BCL9: variants seen among roughly 807,000 people sequenced by gnomAD.
BCL9 encodes B-cell CLL/lymphoma 9 protein.
In BCL9, 25 loss-of-function variants were observed where a neutral mutation model predicts 88.5. That is an observed-to-expected ratio of 0.28 (90% CI 0.21 to 0.39). The LOEUF (loss-of-function observed/expected upper bound fraction) is 0.39. BCL9 is among the 10% of genes least tolerant of loss of function. The pLI is 1.00. For missense variants in BCL9, 1,817 were observed against 1,877.8 expected, an observed-to-expected ratio of 0.97 and a Z score of 0.60; for synonymous variants, 711 against 673.3, an observed-to-expected ratio of 1.06 and a Z score of -0.87.
At position 147,618,960 on chromosome 1, in the gene BCL9, G is replaced by A. The variant is rs587637107; in HGVS notation, c.805G>A (p.Ala269Thr). The change falls in exon 8 of 10, where the codon GCA becomes ACA. Residue 269 changes from alanine (A) to threonine (T), a missense_variant. This residue lies in a region of BCL9 where 1,228 missense variants were observed against 1,191.6 expected (regional missense o/e 1.03). Coordinates refer to ENST00000234739, the MANE Select transcript of BCL9 (RefSeq NM_004326.4). ...TCCGGCACCAGCACCCAAGCCTGCC[G>A]CACCCCCACGTCCCCTGGACCGGGA... ...PIPAPAPKPA[A>T]PPRPLDRESP... is the part of the protein sequence containing the mutation. 10 of 1,613,656 alleles carry A rather than the reference G, an allele frequency of 6.2e-6. No individual in the cohort carries two copies. The highest frequency in any genetic ancestry group is 1.7e-5 in the Admixed American group (1 of 59,974).
chr1:147,622,651 T>C (rs1658705070), intron 9 of BCL9, 120 bp downstream of exon 9: 1 of 1,285,210 alleles, frequency 7.8e-7, no homozygotes, highest in East Asian at 2.4e-5. Context: ...GAAAAAATCT[T>C]CCATCTAAGG....
At chr1:147,605,873 G>A (rs755957148) in intron 2 of BCL9, among the ~76,000 whole-genome samples, 9 of 152,268 alleles carry the variant, frequency 5.9e-5, no homozygotes, top group Middle Eastern at 3.4e-3. Context: ...ACATGACATC[G>A]TTCTAATAAA....
intron 1 of BCL9, among the ~76,000 whole-genome samples, chr1:147,546,207 G>A (rs1371646750): frequency 2.0e-5 from 3 of 151,916 alleles, no homozygotes; most frequent in Non-Finnish European, 4.4e-5. Flanking sequence ...GCTTGGTGGC[G>A]GGCGCCTGTA....
In BCL9 at chr1:147,619,603, A is replaced by G. The variant is rs1658496784; in HGVS notation, c.1448A>G (p.Lys483Arg). The change falls in exon 8 of 10, where the codon AAG becomes AGG. Residue 483 changes from lysine (K) to arginine (R), a missense_variant. By Grantham distance (26) the Lys-to-Arg change is conservative (BLOSUM62 2). Coordinates refer to ENST00000234739, the MANE Select transcript of BCL9 (RefSeq NM_004326.4). The surrounding 1 kb of genome is among the most constrained non-coding windows in gnomAD (Gnocchi z 4.1). ...LKLQQEFYEE[K>R]RRKQEQVVVQ... is the part of the protein sequence containing the mutation. ...CTGCAGCAGGAGTTTTATGAAGAGA[A>G]GAGGAGGAAGCAGGAACAAGTGGTT... 5 of 1,614,042 alleles carry G rather than the reference A, an allele frequency of 3.1e-6. No homozygotes were observed. The highest frequency in any genetic ancestry group is 4.2e-6 in the Non-Finnish European group (5 of 1,180,006).
intron 1 of BCL9, among the ~76,000 whole-genome samples, chr1:147,570,924 T>C (rs1655858554): frequency 1.3e-5 from 2 of 152,070 alleles, no homozygotes; most frequent in South Asian, 2.1e-4. Context: ...TGTGAGCCAC[T>C]GTGCCCAGCC....
Position 147,622,332 on chromosome 1 carries a change from C to G in BCL9, c.2964C>G (p.Pro988=), listed in dbSNP as rs1553205545. The G allele has an allele frequency of 3.7e-6, 6 of 1,614,198 alleles. No individual in the cohort carries two copies. Among genetic ancestry groups the G allele is most frequent in the Non-Finnish European group, 5.1e-6 (6 of 1,180,040 alleles). Residue 988 remains proline, a synonymous_variant, in exon 9 of 10, where the codon CCC becomes CCG. Coordinates refer to ENST00000234739, the MANE Select transcript of BCL9 (RefSeq NM_004326.4). The part of the protein sequence containing the change: ...PASVNIPGSL[P]SSTPYTMPPE... ...CTGTGAATATCCCTGGAAGTCTTCC[C>G]TCTAGTACACCTTATACCATGCCTC...
intron 1 of BCL9, among the ~76,000 whole-genome samples, chr1:147,573,449 G>T (rs1290060791): frequency 2.6e-5 from 4 of 151,146 alleles, no homozygotes; most frequent in Non-Finnish European, 4.4e-5. Flanking sequence ...GTGAAACTCT[G>T]TCTCAAAAAA....
chr1:147,571,751 G>T (rs781915908), intron 1 of BCL9, among the ~76,000 whole-genome samples: 1 of 152,134 alleles, frequency 6.6e-6, no homozygotes, highest in Non-Finnish European at 1.5e-5. Context: ...CCTGCTGAGG[G>T]TTGCCTCCTG....
chr1:147,624,288 T>G lies in BCL9; in HGVS notation c.3610T>G (p.Phe1204Val), dbSNP rs782437533. ...KPGGPGGPDS[F>V]TVLGNSMPSV... ...TGGAGGCCCCGGGGGTCCTGACTCC[T>G]TCACTGTCCTGGGGAACAGCATGCC... is the stretch of plus-strand genomic sequence containing the variant. Residue 1204 changes from phenylalanine to valine, a missense_variant, in exon 10 of 10, where the codon TTC becomes GTC. This residue lies in a region of BCL9 where 589 missense variants were observed against 686.2 expected (regional missense o/e 0.86). Coordinates refer to ENST00000234739, the MANE Select transcript of BCL9 (RefSeq NM_004326.4). The surrounding 1 kb of genome is among the most constrained non-coding windows in gnomAD (Gnocchi z 4.4). 1.2e-6 allele frequency: 2 copies of G among 1,613,982 alleles called. No individual in the cohort carries two copies. Among genetic ancestry groups the G allele is most frequent in the Non-Finnish European group, 1.7e-6 (2 of 1,180,012 alleles).
chr1:147,584,197 G>A (rs758315489), intron 1 of BCL9, among the ~76,000 whole-genome samples: 11 of 151,942 alleles, frequency 7.2e-5, no homozygotes, highest in South Asian at 6.2e-4. Context: ...ACAGGCGCAC[G>A]CCACCACACC....
intron 1 of BCL9, among the ~76,000 whole-genome samples, chr1:147,596,968 A>G (rs1391943733): frequency 6.6e-6 from 1 of 152,182 alleles, no homozygotes; most frequent in Non-Finnish European, 1.5e-5. Context: ...AGTGGGCTCA[A>G]CCTTTGTTAG....
Position 147,619,901 on chromosome 1 carries a change from A to C in BCL9, c.1746A>C (p.Ala582=). The C allele has an allele frequency of 5.0e-6, 8 of 1,614,210 alleles. No homozygotes were observed. Among genetic ancestry groups the C allele is most frequent in the African/African-American group, 2.7e-5 (2 of 75,054 alleles). Residue 582 remains alanine (A), a synonymous_variant, in exon 8 of 10, where the codon GCA becomes GCC. Transcript: ENST00000234739. This position sits in a 1 kb window ranked among gnomAD's most constrained non-coding sequence, Gnocchi z 4.1. Reference sequence around the variant, plus strand: ...AAGGGCCGAATGTCCCCAACCCTGCATCTAGACCAGGTCTTTCTGGAGTCA... The same window carrying C: ...AAGGGCCGAATGTCCCCAACCCTGCCTCTAGACCAGGTCTTTCTGGAGTCA... The part of the protein sequence containing the change: ...EMEGPNVPNP[A]SRPGLSGVSW...
chr1:147,592,369 T>C (rs1424869553), intron 1 of BCL9, among the ~76,000 whole-genome samples: 1 of 152,224 alleles, frequency 6.6e-6, no homozygotes. Flanking sequence ...CCTCTGAGTA[T>C]CTTTCCTTCT....
At chr1:147,594,483 T>C (rs649001) in intron 1 of BCL9, among the ~76,000 whole-genome samples, 8,914 of 152,262 alleles carry the variant, frequency 0.059, 290 homozygotes, top group Middle Eastern at 0.088. Flanking sequence ...GCTGAGTAGA[T>C]AGAAATGCAG....
intron 1 of BCL9, among the ~76,000 whole-genome samples, chr1:147,600,000 G>T (rs1215583553): frequency 1.3e-5 from 2 of 150,992 alleles, no homozygotes; most frequent in African/African-American, 4.9e-5. Flanking sequence ...CCCCGCGGGC[G>T]GGACGTCGGG....
At chr1:147,621,662 C>T (rs915182206) in intron 8 of BCL9, among the ~76,000 whole-genome samples, 22 of 152,122 alleles carry the variant, frequency 1.4e-4, no homozygotes, top group African/African-American at 5.3e-4. Flanking sequence ...GGTGTAAATA[C>T]TAGGTTGGTG....
At chr1:147,543,503 G>T (rs1371597383) in intron 1 of BCL9, among the ~76,000 whole-genome samples, 11 of 152,190 alleles carry the variant, frequency 7.2e-5, no homozygotes, top group African/African-American at 2.7e-4. Context: ...CCTGGATCTG[G>T]CAAGAAGGTC....
At chr1:147,563,322 G>A (rs1451553958) in intron 1 of BCL9, among the ~76,000 whole-genome samples, 1 of 152,098 alleles carries the variant, frequency 6.6e-6, no homozygotes, top group Non-Finnish European at 1.5e-5. Flanking sequence ...GTTCATTGCT[G>A]TGCCCTGATG....
chr1:147,570,547 C>T (rs1482538031), intron 1 of BCL9, among the ~76,000 whole-genome samples: 1 of 152,136 alleles, frequency 6.6e-6, no homozygotes, highest in Non-Finnish European at 1.5e-5. Context: ...TATTTACACT[C>T]TCTGCCTTTT....
Sources: gnomAD v4.1 joint callset for allele counts (sites outside exome capture counted in the v4.1 genomes callset) on GRCh38, gnomAD v4.1.1 for gene constraint, gnomAD v4.1.1 regional missense constraint, Gnocchi (gnomAD v3.1) non-coding constraint, MANE v1.5 for transcripts, NCBI Gene and HGNC (gene_info 2026-07-23, HGNC 2026-07-21) for gene names.